Variants in SPAG9 observed in about 807,000 individuals in gnomAD.
SPAG9 encodes the protein C-Jun-amino-terminal kinase-interacting protein 4.
In SPAG9, 35 loss-of-function variants were observed where a neutral mutation model predicts 166.5. The ratio of observed to expected loss-of-function variants is 0.21; its 90% CI spans 0.16 to 0.28. SPAG9 has a LOEUF of 0.28. SPAG9 is among the 10% of genes least tolerant of loss of function. The pLI is 1.00. For missense variants in SPAG9, 1,235 were observed against 1,603.3 expected, an observed-to-expected ratio of 0.77 and a Z score of 3.92; for synonymous variants, 534 against 565.5, an observed-to-expected ratio of 0.94 and a Z score of 0.79.
rs778820140 is a variant in SPAG9, at chr17:51,005,250, C to A, written c.1438G>T (p.Ala480Ser). Residue 480 changes from alanine to serine, a missense_variant, in exon 12 of 30, where the codon GCT (alanine) becomes TCT (serine). By Grantham distance (99) the Ala-to-Ser change is moderately conservative. Around this residue, in one of 6 missense-constraint regions of SPAG9, gnomAD observed 125 missense variants for 194.0 expected, o/e 0.64. Transcript: ENST00000262013. The stretch of plus-strand genomic sequence containing the variant: ...TTTGCTTTTTGCCTTGCATCTTCAG[C>A]TTCTGCCCGAGCTCTAGTGGGGAAA... The part of the protein sequence containing the change: ...EEELRKARAE[A>S]EDARQKAKDD... 1.2e-6 allele frequency: 2 copies of A among 1,613,908 alleles called. No homozygotes were observed. Among genetic ancestry groups the A allele is most frequent in the African/African-American group, 2.7e-5 (2 of 74,920 alleles).
chr17:50,998,400 C>T (rs1199319850), intron 15 of SPAG9, 44 bp downstream of exon 15: 4 of 1,538,424 alleles, frequency 2.6e-6, no homozygotes. Context: ...TTCTGAACCA[C>T]TAACTTAATT....
chr17:51,077,556 T>C (rs1160484427), intron 2 of SPAG9, among the ~76,000 whole-genome samples: 1 of 152,102 alleles, frequency 6.6e-6, no homozygotes, highest in Non-Finnish European at 1.5e-5. Flanking sequence ...CAAGACCATT[T>C]CTCCAGATGA....
chr17:51,056,276 TG>T (rs1208159600), intron 3 of SPAG9, 135 bp downstream of exon 3: 1 of 654,360 alleles, frequency 1.5e-6, no homozygotes, highest in Non-Finnish European at 2.7e-6. Context: ...TGAAATTTAA[TG>T]TTTTCTTGAA....
intron 2 of SPAG9, among the ~76,000 whole-genome samples, chr17:51,072,235 C>T (rs1463505937): frequency 6.8e-6 from 1 of 147,666 alleles, no homozygotes; most frequent in Non-Finnish European, 1.5e-5. Context: ...CCACACCTGG[C>T]TAATTTTTGT....
At position 51,078,454 on chromosome 17, in the gene SPAG9, C is replaced by G. The variant is rs1158544544; in HGVS notation, c.424+1130G>C. Among the ~76,000 whole-genome samples the G allele has an allele frequency of 2.0e-5, 3 of 152,126 alleles. No homozygotes were observed. In the East Asian group the frequency reaches 5.8e-4, roughly 29 times the overall value. On this transcript the variant is annotated intron_variant, in intron 2 of 29. Coordinates refer to ENST00000262013, the MANE Select transcript of SPAG9 (RefSeq NM_001130528.3). ...ATCATGAATGGCTGTACCTTTATAG[C>G]TGGTGTCACTATGTAGCCTTCATGA...
intron 2 of SPAG9, among the ~76,000 whole-genome samples, chr17:51,075,568 TAATCCCA>T (rs2047946866): frequency 3.3e-5 from 5 of 152,200 alleles, no homozygotes; most frequent in Admixed American, 6.5e-5. Flanking sequence ...CTTACACCTG[TAATCCCA>T]GCATTTGGGG....
intron 2 of SPAG9, among the ~76,000 whole-genome samples, chr17:51,060,395 C>T (rs969472181): frequency 3.7e-4 from 56 of 150,688 alleles, no homozygotes; most frequent in African/African-American, 1.2e-3. Flanking sequence ...CCCAGCTACT[C>T]GGGAGGCTGA....
At chr17:51,071,833 C>T (rs1359337416) in intron 2 of SPAG9, among the ~76,000 whole-genome samples, 1 of 152,068 alleles carries the variant, frequency 6.6e-6, no homozygotes, top group Non-Finnish European at 1.5e-5. Context: ...GATGTGTGCT[C>T]CTAAAATATG....
At chr17:50,980,049 CTT>C (rs749914111) in intron 25 of SPAG9, 132 bp from the exon 26 acceptor site, 11 of 749,490 alleles carry the variant, frequency 1.5e-5, no homozygotes, top group Non-Finnish European at 2.4e-5. Context: ...CATGATTACT[CTT>C]ATATACACAA....
At chr17:51,000,220 G>A (rs2044871729) in intron 13 of SPAG9, among the ~76,000 whole-genome samples, 1 of 152,174 alleles carries the variant, frequency 6.6e-6, no homozygotes, top group African/African-American at 2.4e-5. Flanking sequence ...AAACTGGATT[G>A]ACAGGTGATT....
chr17:51,037,691 T>TATATATATATATATATATATATATG (rs1179792305), intron 5 of SPAG9, among the ~76,000 whole-genome samples: 1 of 90,674 alleles, frequency 1.1e-5, no homozygotes, highest in Non-Finnish European at 2.5e-5. Context: ...ATATAGTGTG[T>TATATATATATATATATATATATATG]GTGTGTGTGT....
rs1302611408 is a variant in SPAG9 at position 50,984,155 on chromosome 17, G to C, written c.3088+768C>G. On this transcript the variant is annotated intron_variant, in intron 24 of 29. Coordinates refer to ENST00000262013, the MANE Select transcript of SPAG9 (RefSeq NM_001130528.3). ...AATTCCCTCAACTTAATTCATTTAA[G>C]GTAGGGTTTCTGATACCACCACCCC... Among the ~76,000 whole-genome samples the C allele has an allele frequency of 2.6e-5, 4 of 152,034 alleles. No individual in the cohort carries two copies. The East Asian group carries it at 7.7e-4, about 29-fold the overall frequency.
chr17:50,971,248 A>G (rs1211497920), intron 28 of SPAG9, among the ~76,000 whole-genome samples: 2 of 152,050 alleles, frequency 1.3e-5, no homozygotes, highest in Non-Finnish European at 2.9e-5. Flanking sequence ...TCAGTGTTGC[A>G]GTGAGCTGTG....
intron 2 of SPAG9, 87 bp from the exon 3 acceptor site, chr17:51,056,569 T>C: frequency 1.3e-6 from 1 of 799,078 alleles, no homozygotes; most frequent in East Asian, 2.5e-5. Flanking sequence ...GGGCTATCCA[T>C]AATCCTTAGC....
chr17:50,970,882 A>G (rs759304382), intron 28 of SPAG9, 26 bp from the exon 29 acceptor site: 14 of 1,595,112 alleles, frequency 8.8e-6, no homozygotes, highest in South Asian at 3.4e-5. Flanking sequence ...ACAAAAGTGA[A>G]TATTACTTAT....
chr17:51,004,748 T>C lies in SPAG9; in HGVS notation c.1476+464A>G, dbSNP rs2045125546. 1.3e-5 allele frequency among the ~76,000 whole-genome samples: 2 copies of C among 151,972 alleles called. 1 individual carries two copies. Among genetic ancestry groups the C allele is most frequent in the South Asian group, 4.2e-4 (2 of 4,816 alleles). On this transcript the variant is annotated intron_variant, in intron 12 of 29. Coordinates refer to ENST00000262013, the MANE Select transcript of SPAG9 (RefSeq NM_001130528.3). ...CTGTCTCAAAAAAAAAGACTAGGGG[T>C]ATGCTAAGGATATTAGCAAGAAGCT...
chr17:51,096,022 G>GAT (rs200258056), intron 1 of SPAG9, among the ~76,000 whole-genome samples: 19,796 of 92,366 alleles, frequency 0.21, 2,864 homozygotes, highest in Non-Finnish European at 0.27. Context: ...TATATATAGT[G>GAT]ATATATATAT....
intron 6 of SPAG9, among the ~76,000 whole-genome samples, chr17:51,026,991 A>C (rs1475966489): frequency 6.6e-6 from 1 of 152,034 alleles, no homozygotes; most frequent in Admixed American, 6.6e-5. Flanking sequence ...ACCATTTTTG[A>C]AAGAGGTCTT....
chr17:51,020,178 T>C lies in SPAG9; in HGVS notation c.1072A>G (p.Ser358Gly). 6.2e-7 allele frequency: 1 copy of C among 1,601,906 alleles called. No individual in the cohort carries two copies. The highest frequency in any genetic ancestry group is 8.6e-7 in the Non-Finnish European group (1 of 1,168,918). ...TGTTACCTTGAACCTTTATATCCACTGAGATCTTTGTCCATATCCAGCTCA... is the reference window on the plus strand; with the variant it reads ...TGTTACCTTGAACCTTTATATCCACCGAGATCTTTGTCCATATCCAGCTCA... Reference protein sequence around the residue: ...TPELDMDKDLSGYKGSSTPTK... With the variant: ...TPELDMDKDLGGYKGSSTPTK... The change falls in exon 8 of 30, where the codon AGT becomes GGT. Residue 358 changes from serine to glycine, a missense_variant. Ser to Gly is a moderately conservative substitution (Grantham distance 56, BLOSUM62 0). Transcript: ENST00000262013.
Sources: allele counts gnomAD v4.1 joint callset (sites outside exome capture counted in the v4.1 genomes callset), GRCh38; gene constraint gnomAD v4.1.1; regional missense constraint gnomAD v4.1.1; transcripts MANE v1.5; gene names NCBI Gene and HGNC (gene_info 2026-07-23, HGNC 2026-07-21).